Variants in XKR4 observed in about 807,000 individuals in gnomAD.
XKR4 encodes XK related 4, also known as XK-related protein 4.
Under a neutral mutation model 53.9 loss-of-function variants are expected in XKR4, and 12 were observed. The observed-to-expected ratio is 0.22, with a 90% CI of 0.14 to 0.36. XKR4 has a LOEUF of 0.36. Among genes scored for constraint, XKR4 ranks in the 10% least tolerant of loss-of-function variants. XKR4 has a pLI of 1.00. For synonymous variants in XKR4, 354 were observed against 362.4 expected (o/e 0.98, Z 0.26); for missense variants, 799 against 859.5 (o/e 0.93, Z 0.88).
At chr8:55,296,653 AG>A (rs1191186934) in intron 1 of XKR4, among the ~76,000 whole-genome samples, 2 of 152,168 alleles carry the variant, frequency 1.3e-5, no homozygotes, top group African/African-American at 4.8e-5. Flanking sequence ...ATAAGTAAAA[AG>A]GTCATAGTTG....
intron 1 of XKR4, among the ~76,000 whole-genome samples, chr8:55,224,345 G>T (rs534949254): frequency 1.3e-5 from 2 of 152,138 alleles, no homozygotes; most frequent in African/African-American, 4.8e-5. Flanking sequence ...GTTGTGTCTT[G>T]AAAGGAAGTT....
At chr8:55,254,151 C>G (rs750333550) in intron 1 of XKR4, among the ~76,000 whole-genome samples, 3 of 151,854 alleles carry the variant, frequency 2.0e-5, no homozygotes, top group South Asian at 2.1e-4. Flanking sequence ...TTTAATCGAG[C>G]CTTTCTTCTT....
At chr8:55,428,917 C>T (rs773644876) in intron 2 of XKR4, among the ~76,000 whole-genome samples, 56 of 152,060 alleles carry the variant, frequency 3.7e-4, no homozygotes, top group Non-Finnish European at 6.3e-4. Flanking sequence ...TAGATAAAGA[C>T]AAAATTATTC....
chr8:55,399,399 T>A (rs2129389704), intron 2 of XKR4, among the ~76,000 whole-genome samples: 1 of 152,370 alleles, frequency 6.6e-6, no homozygotes, highest in African/African-American at 2.4e-5. Context: ...AACAATAGGT[T>A]TGTGAGCTAA....
In XKR4 at chr8:55,228,876, CTCTT is replaced by C. The variant is rs372276293; in HGVS notation, c.806+125583_806+125586del. ...ACACACACACACACACACACATTCT[CTCTT>C]CTATTTCTATCTCTAAAATATGATT... On this transcript the variant is annotated intron_variant, in intron 1 of 2. Coordinates refer to ENST00000327381, the MANE Select transcript of XKR4 (RefSeq NM_052898.2). Among the ~76,000 whole-genome samples the C allele has an allele frequency of 4.3e-3, 651 of 151,680 alleles. 3 individuals carry two copies. Among genetic ancestry groups the C allele is most frequent in the African/African-American group, 0.015 (613 of 41,076 alleles).
chr8:55,399,963 G>A (rs116441334), intron 2 of XKR4, among the ~76,000 whole-genome samples: 13 of 152,276 alleles, frequency 8.5e-5, no homozygotes, highest in African/African-American at 2.2e-4. Context: ...TCTGCCCCTC[G>A]GGTTTCTCCC....
intron 2 of XKR4, among the ~76,000 whole-genome samples, chr8:55,481,261 A>AT (rs1430616420): frequency 6.6e-6 from 1 of 152,146 alleles, no homozygotes; most frequent in African/African-American, 2.4e-5. Context: ...CAACCATCTG[A>AT]CTTTGACAAA....
intron 1 of XKR4, among the ~76,000 whole-genome samples, chr8:55,325,025 G>A (rs571166748): frequency 4.6e-5 from 7 of 152,164 alleles, no homozygotes; most frequent in South Asian, 4.1e-4. Context: ...TCAAAACTGA[G>A]TCTTCTATTT....
At chr8:55,173,503 C>G (rs1252854277) in intron 1 of XKR4, among the ~76,000 whole-genome samples, 2 of 152,284 alleles carry the variant, frequency 1.3e-5, no homozygotes, top group East Asian at 3.9e-4. Context: ...ATGCTTTACA[C>G]CTTTGATTGT....
chr8:55,226,324 GA>G (rs1036260376), intron 1 of XKR4, among the ~76,000 whole-genome samples: 10 of 152,198 alleles, frequency 6.6e-5, no homozygotes, highest in African/African-American at 2.4e-4. Context: ...ATGGAGGAAA[GA>G]AAATGCACTC....
intron 1 of XKR4, among the ~76,000 whole-genome samples, chr8:55,296,093 G>T (rs1819097001): frequency 6.6e-6 from 1 of 152,100 alleles, no homozygotes; most frequent in Non-Finnish European, 1.5e-5. Flanking sequence ...CAGGGGTCCA[G>T]GTTCCTTACA....
rs185862713 is a variant in XKR4, at chr8:55,140,420, A to G, written c.806+37126A>G. 4.8e-4 allele frequency among the ~76,000 whole-genome samples: 73 copies of G among 152,306 alleles called. 1 individual carries two copies. The highest frequency in any genetic ancestry group is 2.5e-3 in the Admixed American group (39 of 15,302). Reference sequence around the variant, plus strand: ...ACTTCTTCATTTTGCTCATGACAAGATGCTCCTGTTGCTGGGGTCCCACAG... The same window carrying G: ...ACTTCTTCATTTTGCTCATGACAAGGTGCTCCTGTTGCTGGGGTCCCACAG... On this transcript the variant is annotated intron_variant, in intron 1 of 2. Transcript: ENST00000327381.
intron 2 of XKR4, among the ~76,000 whole-genome samples, chr8:55,420,813 A>G (rs1442577141): frequency 6.6e-6 from 1 of 151,528 alleles, no homozygotes; most frequent in African/African-American, 2.4e-5. Flanking sequence ...TAAATAAATA[A>G]ATAAATAAAT....
At chr8:55,275,092 C>T (rs1818746164) in intron 1 of XKR4, among the ~76,000 whole-genome samples, 1 of 152,174 alleles carries the variant, frequency 6.6e-6, no homozygotes, top group African/African-American at 2.4e-5. Flanking sequence ...AAAAATGAAA[C>T]ATCTGTACAA....
At chr8:55,451,711 C>T in intron 2 of XKR4, 1 of 1,308,536 alleles carries the variant, frequency 7.6e-7, no homozygotes, top group East Asian at 2.3e-5. Context: ...GGCATGCATG[C>T]GGTTGACCAG....
At chr8:55,420,853 C>T (rs908612188) in intron 2 of XKR4, among the ~76,000 whole-genome samples, 8 of 147,054 alleles carry the variant, frequency 5.4e-5, no homozygotes, top group Non-Finnish European at 1.0e-4. Flanking sequence ...GCTGTTGTTG[C>T]TCAGATAGTA....
At chr8:55,187,175 G>A (rs1817389627) in intron 1 of XKR4, among the ~76,000 whole-genome samples, 1 of 151,770 alleles carries the variant, frequency 6.6e-6, no homozygotes, top group South Asian at 2.1e-4. Flanking sequence ...CTTTTCTATG[G>A]CATGAATTTG....
intron 2 of XKR4, among the ~76,000 whole-genome samples, chr8:55,363,286 C>T (rs1803929101): frequency 1.3e-5 from 2 of 152,138 alleles, no homozygotes; most frequent in African/African-American, 4.8e-5. Flanking sequence ...AAAACACCGA[C>T]TTCTCATTCC....
intron 1 of XKR4, among the ~76,000 whole-genome samples, chr8:55,120,131 A>G (rs1816370643): frequency 6.6e-6 from 1 of 152,192 alleles, no homozygotes; most frequent in Admixed American, 6.5e-5. Flanking sequence ...ATTTCTCGAC[A>G]GAAGTTAATT....
Sources: allele counts gnomAD v4.1 joint callset (sites outside exome capture counted in the v4.1 genomes callset), GRCh38; gene constraint gnomAD v4.1.1; transcripts MANE v1.5; gene names NCBI Gene and HGNC (gene_info 2026-07-23, HGNC 2026-07-21).